The following RAET1G variants were observed in gnomAD, a reference collection of about 807,000 sequenced individuals.
RAET1G encodes retinoic acid early transcript 1G.
Under a neutral mutation model 29.5 loss-of-function variants are expected in RAET1G, and 25 were observed. The observed-to-expected ratio is 0.85, with a 90% CI of 0.62 to 1.18. The LOEUF (loss-of-function observed/expected upper bound fraction) is 1.18, where lower values mean the gene tolerates loss of function less well. Ranked by LOEUF, RAET1G falls within the 50% of genes most tolerant of loss-of-function variation. The pLI, the probability that RAET1G is intolerant of heterozygous loss-of-function variation, is 0.00. For missense variants in RAET1G, 434 were observed against 423.6 expected (o/e 1.02, Z -0.22); for synonymous variants, 167 against 159.5 (o/e 1.05, Z -0.36).
At chr6:149,917,752 A>G (rs1778480993) in intron 4 of RAET1G, among the ~76,000 whole-genome samples, 1 of 152,180 alleles carries the variant, frequency 6.6e-6, no homozygotes, top group Non-Finnish European at 1.5e-5. Context: ...TCTTAGCCTC[A>G]GAGATGGAAT....
At chr6:149,920,316 C>G (rs55872251) in intron 1 of RAET1G, among the ~76,000 whole-genome samples, 2,508 of 152,266 alleles carry the variant, frequency 0.016, 69 homozygotes, top group African/African-American at 0.058. Context: ...TGGTGGTGCT[C>G]ATCTACTATG....
At chr6:149,922,872 C>T in intron 1 of RAET1G, 54 bp downstream of exon 1, 3 of 1,337,936 alleles carry the variant, frequency 2.2e-6, no homozygotes, top group Non-Finnish European at 3.1e-6. Context: ...GCCCACAGTC[C>T]ACAGCCCCCC....
chr6:149,921,263 G>A (rs1778594174), intron 1 of RAET1G, among the ~76,000 whole-genome samples: 1 of 152,226 alleles, frequency 6.6e-6, no homozygotes, highest in African/African-American at 2.4e-5. Context: ...TCCTAGAGGT[G>A]CATGTGGTTC....
At chr6:149,918,517 G>T in intron 3 of RAET1G, 133 bp from the exon 4 acceptor site, 1 of 1,064,934 alleles carries the variant, frequency 9.4e-7, no homozygotes, top group Non-Finnish European at 1.4e-6. Flanking sequence ...GCAGCCCCTG[G>T]GAGAGTTCCT....
At position 149,918,208 on chromosome 6, in the gene RAET1G, T is replaced by G; in HGVS notation, c.808A>C (p.Thr270Pro). The G allele has an allele frequency of 6.2e-7, 1 of 1,613,936 alleles. No individual in the cohort carries two copies. Among genetic ancestry groups the G allele is most frequent in the Non-Finnish European group, 8.5e-7 (1 of 1,179,944 alleles). ...PPPHPPLLHP[T>P]WLLRRVLWSD... is the part of the protein sequence containing the mutation. ...CAAAGGACTCTCCTCAGCAGCCAGG[T>G]AGGATGAAGCAGGGGAGGATGAGGA... Residue 270 changes from threonine (T) to proline (P), a missense_variant, in exon 4 of 5, where the codon ACC (threonine) becomes CCC (proline). Transcript: ENST00000367360.
At chr6:149,921,995 A>C (rs1297490303) in intron 1 of RAET1G, among the ~76,000 whole-genome samples, 2 of 152,176 alleles carry the variant, frequency 1.3e-5, no homozygotes, top group Non-Finnish European at 2.9e-5. Flanking sequence ...CAAGGCCTGC[A>C]AAGATCACAG....
At chr6:149,918,638 G>A (rs1778511388) in intron 3 of RAET1G, 1 of 614,054 alleles carries the variant, frequency 1.6e-6, no homozygotes, top group Non-Finnish European at 2.9e-6. Flanking sequence ...AAGAGGAGGT[G>A]ATGCTCCAGG....
chr6:149,919,493 A>G (rs1282490930), intron 2 of RAET1G, 60 bp downstream of exon 2: 2 of 1,613,698 alleles, frequency 1.2e-6, no homozygotes, highest in Non-Finnish European at 1.7e-6. Context: ...TGAAAACTAT[A>G]AATGCCTCTA....
At chr6:149,918,511 C>A (rs1341791527) in intron 3 of RAET1G, 127 bp from the exon 4 acceptor site, 2 of 1,110,198 alleles carry the variant, frequency 1.8e-6, no homozygotes, top group African/African-American at 1.5e-5. Context: ...TATGGGGCAG[C>A]CCCTGGGAGA....
At chr6:149,920,730 T>C (rs892658728) in intron 1 of RAET1G, among the ~76,000 whole-genome samples, 1 of 152,108 alleles carries the variant, frequency 6.6e-6, no homozygotes, top group Non-Finnish European at 1.5e-5. Context: ...ATGGAAATGA[T>C]TAGAGAAGTC....
In RAET1G at chr6:149,919,792, A is replaced by G; in HGVS notation, c.110T>C (p.Ile37Thr). Residue 37 changes from isoleucine (I) to threonine (T), a missense_variant, in exon 2 of 5, where the codon ATC becomes ACC. Ile to Thr is a moderately conservative substitution (Grantham distance 89). Transcript: ENST00000367360. ...LADPHSLCYD[I>T]TVIPKFRPGP... ...AGGTCTGAACTTAGGGATGACGGTGATGTCATAGCAAAGAGAGTGAGGGTC... is the reference window on the plus strand; with the variant it reads ...AGGTCTGAACTTAGGGATGACGGTGGTGTCATAGCAAAGAGAGTGAGGGTC... 1 of 1,612,096 alleles carries G rather than the reference A, an allele frequency of 6.2e-7. No homozygotes were observed. The highest frequency in any genetic ancestry group is 8.5e-7 in the Non-Finnish European group (1 of 1,179,846).
chr6:149,921,914 C>A (rs1354965541), intron 1 of RAET1G, among the ~76,000 whole-genome samples: 1 of 152,098 alleles, frequency 6.6e-6, no homozygotes, highest in Non-Finnish European at 1.5e-5. Flanking sequence ...TCTGGTCCCC[C>A]CTATTTGAAG....
chr6:149,920,496 A>C (rs773443073), intron 1 of RAET1G, among the ~76,000 whole-genome samples: 3 of 152,140 alleles, frequency 2.0e-5, no homozygotes, highest in Non-Finnish European at 4.4e-5. Context: ...TGCTGTGCTC[A>C]TGGGAAGCCT....
intron 4 of RAET1G, among the ~76,000 whole-genome samples, 186 bp from the exon 5 acceptor site, chr6:149,917,260 C>T (rs545355360): frequency 2.0e-5 from 3 of 152,346 alleles, no homozygotes; most frequent in South Asian, 2.1e-4. Flanking sequence ...TTTAGGCCTC[C>T]GGATGGCTGC....
chr6:149,917,449 A>G (rs1274152835), intron 4 of RAET1G, among the ~76,000 whole-genome samples: 1 of 152,208 alleles, frequency 6.6e-6, no homozygotes, highest in Non-Finnish European at 1.5e-5. Context: ...GGCATGACAG[A>G]GGGCTCACAC....
At chr6:149,922,491 T>G (rs1778617990) in intron 1 of RAET1G, among the ~76,000 whole-genome samples, 1 of 152,084 alleles carries the variant, frequency 6.6e-6, no homozygotes, top group South Asian at 2.1e-4. Flanking sequence ...TTTGTGTGGT[T>G]GAGAGCGGGT....
chr6:149,919,259 A>G lies in RAET1G; in HGVS notation c.415T>C (p.Trp139Arg). Residue 139 changes from tryptophan (W) to arginine (R), a missense_variant, in exon 3 of 5, where the codon TGG becomes CGG. Coordinates refer to ENST00000367360, the MANE Select transcript of RAET1G (RefSeq NM_001001788.4). ...ATCTGTCCATCGAAACTGAGCTGCC[A>G]AGATCCACTGCCGTGTCCTTCGGCT... ...QKAEGHGSGS[W>R]QLSFDGQIFL... 1 of 1,614,248 alleles carries G rather than the reference A, an allele frequency of 6.2e-7. No individual in the cohort carries two copies. Among genetic ancestry groups the G allele is most frequent in the Non-Finnish European group, 8.5e-7 (1 of 1,180,042 alleles).
At chr6:149,917,206 T>C (rs1778464044) in intron 4 of RAET1G, 132 bp from the exon 5 acceptor site, 6 of 1,289,642 alleles carry the variant, frequency 4.7e-6, no homozygotes, top group Non-Finnish European at 6.0e-6. Flanking sequence ...AACATGAAAG[T>C]GGACCAGGAG....
chr6:149,919,822 G>A lies in RAET1G; in HGVS notation c.86-6C>T. The stretch of plus-strand genomic sequence containing the variant: ...ATAGCAAAGAGAGTGAGGGTCTGTG[G>A]AGAAAGGCAGGTGAGGGGTGGGTGG... On this transcript the variant is annotated splice_region_variant and splice_polypyrimidine_tract_variant and intron_variant, in intron 1 of 4. Coordinates refer to ENST00000367360, the MANE Select transcript of RAET1G (RefSeq NM_001001788.4). 6.2e-7 allele frequency: 1 copy of A among 1,612,052 alleles called. No individual in the cohort carries two copies. Among genetic ancestry groups the A allele is most frequent in the Non-Finnish European group, 8.5e-7 (1 of 1,179,854 alleles).
Sources: allele counts gnomAD v4.1 joint callset (sites outside exome capture counted in the v4.1 genomes callset), GRCh38; gene constraint gnomAD v4.1.1; transcripts MANE v1.5; gene names NCBI Gene and HGNC (gene_info 2026-07-23, HGNC 2026-07-21).